Variants in TBC1D4 observed in about 807,000 individuals in gnomAD.
TBC1D4 encodes the protein TBC (Tre-2, BUB2, CDC16) domain-containing protein.
In TBC1D4, 121 loss-of-function variants were observed where a neutral mutation model predicts 142.5. That is an observed-to-expected ratio of 0.85 (90% CI 0.73 to 0.99). The LOEUF is 0.99. TBC1D4 is among the 50% of genes least tolerant of loss of function. The pLI is 0.00. For missense variants in TBC1D4, 1,475 were observed against 1,606.6 expected, an observed-to-expected ratio of 0.92 and a Z score of 1.40; for synonymous variants, 630 against 628.2, an observed-to-expected ratio of 1.00 and a Z score of -0.04.
intron 1 of TBC1D4, chr13:75,367,101 A>G (rs7324213): frequency 1 from 384,619 of 386,130 alleles, 191,575 homozygotes; most frequent in Middle Eastern, 1. Context: ...AGGAGTAACC[A>G]TTATTGCTTC....
chr13:75,297,731 T>C (rs1282737488), intron 17 of TBC1D4, among the ~76,000 whole-genome samples: 1 of 148,190 alleles, frequency 6.7e-6, no homozygotes, highest in African/African-American at 2.5e-5. Flanking sequence ...CACTCCTGCC[T>C]GGGTGACAGA....
intron 16 of TBC1D4, among the ~76,000 whole-genome samples, chr13:75,301,231 A>G (rs984920992): frequency 3.3e-5 from 5 of 152,146 alleles, no homozygotes; most frequent in African/African-American, 9.6e-5. Context: ...ATAATATTTA[A>G]TCTAATAATG....
intron 15 of TBC1D4, among the ~76,000 whole-genome samples, chr13:75,303,033 A>G (rs987596526): frequency 3.3e-5 from 5 of 152,202 alleles, no homozygotes; most frequent in Non-Finnish European, 7.3e-5. Context: ...AAATGAAAGA[A>G]TAGGCCAGGT....
intron 1 of TBC1D4, among the ~76,000 whole-genome samples, chr13:75,469,985 C>T (rs968137343): frequency 4.6e-5 from 7 of 152,004 alleles, no homozygotes; most frequent in East Asian, 3.9e-4. Context: ...ATGTGGAAGC[C>T]GTCAACAAAA....
intron 1 of TBC1D4, chr13:75,366,862 GAACA>G (rs1434109131): frequency 6.5e-5 from 54 of 830,818 alleles, no homozygotes; most frequent in Non-Finnish European, 7.5e-5. Context: ...TCAAAGACCT[GAACA>G]AACACAGGAG....
intron 1 of TBC1D4, among the ~76,000 whole-genome samples, chr13:75,438,828 T>C (rs1221483869): frequency 6.7e-6 from 1 of 149,772 alleles, no homozygotes; most frequent in Non-Finnish European, 1.5e-5. Flanking sequence ...AAAGGGCATA[T>C]GATATGAGAT....
intron 1 of TBC1D4, among the ~76,000 whole-genome samples, chr13:75,415,552 A>G (rs1885884250): frequency 6.6e-6 from 1 of 152,258 alleles, no homozygotes; most frequent in East Asian, 1.9e-4. Flanking sequence ...GCTTCTCGCA[A>G]GTAGTGACAA....
intron 16 of TBC1D4, among the ~76,000 whole-genome samples, chr13:75,301,652 A>G (rs567044748): frequency 6.6e-6 from 1 of 152,154 alleles, no homozygotes; most frequent in Non-Finnish European, 1.5e-5. Context: ...CTCAAAAAAA[A>G]AAAAAAGACT....
chr13:75,444,670 C>A (rs1186051896), intron 1 of TBC1D4, among the ~76,000 whole-genome samples: 3 of 152,138 alleles, frequency 2.0e-5, no homozygotes, highest in African/African-American at 7.2e-5. Context: ...TTAACACTTA[C>A]AAAACAACTC....
chr13:75,405,552 G>C (rs549394798), intron 1 of TBC1D4, among the ~76,000 whole-genome samples: 94 of 152,296 alleles, frequency 6.2e-4, no homozygotes, highest in African/African-American at 2.1e-3. Context: ...GATTACAGGC[G>C]TGAGCCACTG....
intron 1 of TBC1D4, among the ~76,000 whole-genome samples, chr13:75,448,423 G>C (rs549648199): frequency 6.6e-6 from 1 of 151,968 alleles, no homozygotes; most frequent in Admixed American, 6.6e-5. Context: ...CAAAAAATTA[G>C]CCAGACGTGG....
chr13:75,399,688 C>T (rs1282155713), intron 1 of TBC1D4, among the ~76,000 whole-genome samples: 2 of 152,224 alleles, frequency 1.3e-5, no homozygotes, highest in Non-Finnish European at 2.9e-5. Context: ...AGAGGGCAGA[C>T]AGTGATGGAT....
intron 5 of TBC1D4, among the ~76,000 whole-genome samples, chr13:75,342,860 C>T (rs1880823826): frequency 6.6e-6 from 1 of 151,316 alleles, no homozygotes; most frequent in Admixed American, 6.6e-5. Flanking sequence ...ATTTAATAAA[C>T]CTTATAGGTA....
At chr13:75,457,657 C>A (rs1887793455) in intron 1 of TBC1D4, among the ~76,000 whole-genome samples, 2 of 152,208 alleles carry the variant, frequency 1.3e-5, no homozygotes, top group South Asian at 4.1e-4. Context: ...TTTCACTTGA[C>A]ACAGGCAATA....
chr13:75,415,125 CAA>C (rs35852438), intron 1 of TBC1D4, among the ~76,000 whole-genome samples: 2 of 128,828 alleles, frequency 1.6e-5, no homozygotes. Flanking sequence ...CTCCATCTCA[CAA>C]AAAAAAAAAA....
chr13:75,459,319 T>C (rs1887870011), intron 1 of TBC1D4, among the ~76,000 whole-genome samples: 1 of 152,202 alleles, frequency 6.6e-6, no homozygotes, highest in Non-Finnish European at 1.5e-5. Context: ...TGTTGACATA[T>C]TCCTTGCCTA....
chr13:75,476,057 A>G (rs1459454588), intron 1 of TBC1D4, among the ~76,000 whole-genome samples: 2 of 152,116 alleles, frequency 1.3e-5, no homozygotes, highest in East Asian at 3.9e-4. Context: ...AGCCTGGCCA[A>G]TATGGTGAAA....
chr13:75,331,059 T>A (rs1879701677), intron 8 of TBC1D4, among the ~76,000 whole-genome samples: 1 of 152,150 alleles, frequency 6.6e-6, no homozygotes, highest in Non-Finnish European at 1.5e-5. Flanking sequence ...CCACACAAGC[T>A]TTTTTTGTGC....
At position 75,356,221 on chromosome 13, in the gene TBC1D4, T is replaced by A; in HGVS notation, c.1201A>T (p.Ile401Phe). Residue 401 changes from isoleucine to phenylalanine, a missense_variant, in exon 4 of 21, where the codon ATC becomes TTC. Ile to Phe is a conservative substitution (Grantham distance 21). Around this residue, in one of 2 missense-constraint regions of TBC1D4, gnomAD observed 1,227 missense variants for 1,267.7 expected, o/e 0.97. Coordinates refer to ENST00000377636, the MANE Select transcript of TBC1D4 (RefSeq NM_014832.5). ...CCAGGCTCTGGAGACTCCCGGCAGA[T>A]AAAGCCAAAGTGATCCACATGCTTT... ...GIKHVDHFGF[I>F]CRESPEPGLS... is the part of the protein sequence containing the mutation. 1 of 1,613,752 alleles carries A rather than the reference T, an allele frequency of 6.2e-7. No homozygotes were observed. The highest frequency in any genetic ancestry group is 8.5e-7 in the Non-Finnish European group (1 of 1,179,754).
Sources: gnomAD v4.1 joint callset for allele counts (sites outside exome capture counted in the v4.1 genomes callset) on GRCh38, gnomAD v4.1.1 for gene constraint, gnomAD v4.1.1 regional missense constraint, MANE v1.5 for transcripts, NCBI Gene and HGNC (gene_info 2026-07-23, HGNC 2026-07-21) for gene names.